The following FAM171A1 variants were observed in gnomAD, a reference collection of about 807,000 sequenced individuals.
FAM171A1 encodes protein FAM171A1.
A neutral mutation model predicts 74.9 loss-of-function variants in FAM171A1; 23 were observed. That is an observed-to-expected ratio of 0.31 (90% CI 0.22 to 0.44). The LOEUF is 0.44. Among genes scored for constraint, FAM171A1 ranks in the 20% least tolerant of loss-of-function variants. The pLI is 1.00. For synonymous variants in FAM171A1, 527 were observed against 505.7 expected, an observed-to-expected ratio of 1.04 and a Z score of -0.57; for missense variants, 1,162 against 1,159.2, an observed-to-expected ratio of 1.00 and a Z score of -0.03.
chr10:15,290,005 G>A (rs1032395955), intron 1 of FAM171A1, among the ~76,000 whole-genome samples: 2 of 152,130 alleles, frequency 1.3e-5, no homozygotes, highest in South Asian at 2.1e-4. Flanking sequence ...CGAGGCGGGC[G>A]GGTCACGAGG....
chr10:15,251,672 A>C (rs749155304), intron 4 of FAM171A1, among the ~76,000 whole-genome samples: 69 of 152,082 alleles, frequency 4.5e-4, no homozygotes, highest in Non-Finnish European at 8.4e-4. Context: ...TCGGCCTCCC[A>C]AAGTGCTGGG....
At chr10:15,297,846 T>C (rs1280853619) in intron 1 of FAM171A1, among the ~76,000 whole-genome samples, 1 of 152,214 alleles carries the variant, frequency 6.6e-6, no homozygotes, top group Admixed American at 6.5e-5. Context: ...AATGAGGTTT[T>C]CTAGGGCTGG....
chr10:15,329,857 A>C (rs1351704900), intron 1 of FAM171A1, among the ~76,000 whole-genome samples: 1 of 152,182 alleles, frequency 6.6e-6, no homozygotes, highest in African/African-American at 2.4e-5. Context: ...GCTTTGTCTC[A>C]GGCCCGCACA....
At chr10:15,325,639 G>A (rs780115015) in intron 1 of FAM171A1, among the ~76,000 whole-genome samples, 6 of 152,118 alleles carry the variant, frequency 3.9e-5, no homozygotes, top group East Asian at 1.9e-4. Flanking sequence ...AGCTTACTGC[G>A]TTCCATGGGC....
At chr10:15,254,601 C>G in intron 4 of FAM171A1, 120 bp downstream of exon 4, 3 of 1,104,334 alleles carry the variant, frequency 2.7e-6, no homozygotes, top group Non-Finnish European at 3.9e-6. Context: ...AAGAATTCCC[C>G]TTCTGCACCT....
intron 5 of FAM171A1, among the ~76,000 whole-genome samples, chr10:15,225,716 G>A (rs576384188): frequency 1.1e-4 from 16 of 152,232 alleles, no homozygotes; most frequent in East Asian, 7.7e-4. Context: ...CAGGAAGGGC[G>A]CCCTTTCATC....
chr10:15,324,272 C>T (rs372898609), intron 1 of FAM171A1, among the ~76,000 whole-genome samples: 82 of 152,174 alleles, frequency 5.4e-4, no homozygotes, highest in African/African-American at 9.9e-4. Context: ...TAAAGGAAGA[C>T]GGGGTGATTC....
intron 1 of FAM171A1, among the ~76,000 whole-genome samples, chr10:15,359,601 T>A (rs1404071572): frequency 1.3e-5 from 2 of 152,146 alleles, no homozygotes; most frequent in Non-Finnish European, 2.9e-5. Context: ...CCGGAACCTG[T>A]CAATACATTG....
At chr10:15,266,766 G>C (rs1430388994) in intron 3 of FAM171A1, among the ~76,000 whole-genome samples, 1 of 151,834 alleles carries the variant, frequency 6.6e-6, no homozygotes, top group African/African-American at 2.4e-5. Flanking sequence ...CTACTCAGGA[G>C]GCTGAGGTGA....
At chr10:15,258,688 C>G (rs1834617389) in intron 3 of FAM171A1, among the ~76,000 whole-genome samples, 1 of 152,200 alleles carries the variant, frequency 6.6e-6, no homozygotes, top group Non-Finnish European at 1.5e-5. Flanking sequence ...GCTCAGCCTC[C>G]ATCCTCGTCG....
chr10:15,365,875 C>T (rs1234389156), intron 1 of FAM171A1, among the ~76,000 whole-genome samples: 2 of 151,932 alleles, frequency 1.3e-5, no homozygotes, highest in African/African-American at 2.4e-5. Context: ...GCGAATGAAA[C>T]AGAGGCTTGA....
chr10:15,366,732 C>G (rs1836067347), intron 1 of FAM171A1, among the ~76,000 whole-genome samples: 2 of 152,166 alleles, frequency 1.3e-5, no homozygotes, highest in Admixed American at 1.3e-4. Context: ...ATTATACATA[C>G]CTGCTGTCTA....
intron 1 of FAM171A1, among the ~76,000 whole-genome samples, chr10:15,326,943 T>C (rs1835562678): frequency 6.6e-6 from 1 of 152,214 alleles, no homozygotes; most frequent in Non-Finnish European, 1.5e-5. Flanking sequence ...TTCTTGTTTT[T>C]GTTGGTCAGG....
intron 1 of FAM171A1, among the ~76,000 whole-genome samples, chr10:15,289,077 C>T (rs1177233285): frequency 6.6e-6 from 1 of 152,068 alleles, no homozygotes; most frequent in Non-Finnish European, 1.5e-5. Flanking sequence ...CTGCCTTGGC[C>T]TCCCAAAGCA....
intron 1 of FAM171A1, among the ~76,000 whole-genome samples, chr10:15,308,441 A>G (rs1324082360): frequency 6.6e-6 from 1 of 152,190 alleles, no homozygotes; most frequent in African/African-American, 2.4e-5. Flanking sequence ...CAGCTCGGAC[A>G]TCTTATCTTG....
intron 5 of FAM171A1, among the ~76,000 whole-genome samples, chr10:15,222,325 G>C (rs780242786): frequency 6.6e-6 from 1 of 152,156 alleles, no homozygotes; most frequent in African/African-American, 2.4e-5. Context: ...AAACATCATA[G>C]AGCGTCCTTA....
At chr10:15,227,137 T>C (rs1834119170) in intron 5 of FAM171A1, among the ~76,000 whole-genome samples, 1 of 151,908 alleles carries the variant, frequency 6.6e-6, no homozygotes, top group Non-Finnish European at 1.5e-5. Flanking sequence ...GTAGCTGGGA[T>C]TACAGGCACC....
chr10:15,284,090 A>G lies in FAM171A1; in HGVS notation c.113T>C (p.Val38Ala). Residue 38 changes from valine (V) to alanine (A), a missense_variant, in exon 2 of 8, where the codon GTG (valine) becomes GCG (alanine). Coordinates refer to ENST00000378116, the MANE Select transcript of FAM171A1 (RefSeq NM_001010924.2). Reference protein sequence around the residue: ...GAGAQEVTLKVHISDASTHQP... With the variant: ...GAGAQEVTLKAHISDASTHQP... ...GTGGGTGCTGGCGTCGCTGATGTGCACCTTTAACGTCACCTCTGGAGGTAG... is the reference window on the plus strand; with the variant it reads ...GTGGGTGCTGGCGTCGCTGATGTGCGCCTTTAACGTCACCTCTGGAGGTAG... 6.2e-7 allele frequency: 1 copy of G among 1,613,484 alleles called. No individual in the cohort carries two copies. Among genetic ancestry groups the G allele is most frequent in the Non-Finnish European group, 8.5e-7 (1 of 1,179,984 alleles).
At chr10:15,220,405 T>C (rs1049714319) in intron 6 of FAM171A1, among the ~76,000 whole-genome samples, 5 of 151,604 alleles carry the variant, frequency 3.3e-5, no homozygotes, top group Non-Finnish European at 7.4e-5. Flanking sequence ...GGGGGTAACA[T>C]AGGTTAAAAA....
Sources: gnomAD v4.1 joint callset for allele counts (sites outside exome capture counted in the v4.1 genomes callset) on GRCh38, gnomAD v4.1.1 for gene constraint, MANE v1.5 for transcripts, NCBI Gene and HGNC (gene_info 2026-07-23, HGNC 2026-07-21) for gene names.